Variants in PGCKA1 observed in about 807,000 individuals in gnomAD.
PGCKA1 encodes the protein PDCD10 and GCKIII kinases-associated protein 1.
chr4:37,524,598 T>G, the PGCKA1 span, among the ~76,000 whole-genome samples: 1 of 152,210 alleles, frequency 6.6e-6, no homozygotes, highest in African/African-American at 2.4e-5. Flanking sequence ...ACCACAACCC[T>G]GATTCACTAT....
At chr4:37,562,347 T>C in the PGCKA1 span, among the ~76,000 whole-genome samples, 1 of 152,224 alleles carries the variant, frequency 6.6e-6, no homozygotes, top group Non-Finnish European at 1.5e-5. Flanking sequence ...GATATTTTAA[T>C]CATCTTCATT....
At chr4:37,504,624 C>A in the PGCKA1 span, among the ~76,000 whole-genome samples, 2 of 152,138 alleles carry the variant, frequency 1.3e-5, no homozygotes, top group Middle Eastern at 6.8e-3. Flanking sequence ...TTATAGTTTT[C>A]ATTGTAGAGC....
the PGCKA1 span, among the ~76,000 whole-genome samples, chr4:37,562,301 T>C: frequency 6.6e-6 from 1 of 152,240 alleles, no homozygotes; most frequent in Non-Finnish European, 1.5e-5. Flanking sequence ...AGCATATCGA[T>C]GAACACCAGG....
the PGCKA1 span, among the ~76,000 whole-genome samples, chr4:37,482,742 G>A: frequency 6.6e-6 from 1 of 152,154 alleles, no homozygotes; most frequent in African/African-American, 2.4e-5. Flanking sequence ...GTGTAGGAGG[G>A]AAAATTGTTT....
chr4:37,487,640 A>G, the PGCKA1 span, among the ~76,000 whole-genome samples: 92 of 152,324 alleles, frequency 6.0e-4, no homozygotes, highest in Non-Finnish European at 8.8e-4. Flanking sequence ...GCTGTTTCCA[A>G]TCAATCCTTG....
the PGCKA1 span, among the ~76,000 whole-genome samples, chr4:37,475,314 A>G: frequency 4.6e-5 from 7 of 152,068 alleles, no homozygotes; most frequent in East Asian, 1.9e-4. Flanking sequence ...GAGCACTTCA[A>G]CCCCAGCACA....
At chr4:37,550,198 T>A in the PGCKA1 span, among the ~76,000 whole-genome samples, 1 of 152,162 alleles carries the variant, frequency 6.6e-6, no homozygotes, top group Non-Finnish European at 1.5e-5. Flanking sequence ...GAAGTAAGAC[T>A]AAGGACTGGT....
chr4:37,569,028 C>G, the PGCKA1 span, among the ~76,000 whole-genome samples: 83 of 151,044 alleles, frequency 5.5e-4, 1 homozygote, highest in Non-Finnish European at 9.4e-4. Flanking sequence ...GCCTGGGAGG[C>G]AGAGGTTGCA....
chr4:37,539,095 A>G, the PGCKA1 span, among the ~76,000 whole-genome samples: 1 of 152,162 alleles, frequency 6.6e-6, no homozygotes, highest in Non-Finnish European at 1.5e-5. Context: ...TGGCCAAGCC[A>G]GAGATTCACT....
chr4:37,513,576 T>A, the PGCKA1 span, among the ~76,000 whole-genome samples: 2,352 of 152,266 alleles, frequency 0.015, 57 homozygotes, highest in African/African-American at 0.054. Context: ...ATTATCTCCA[T>A]AAAATGCCCA....
At chr4:37,475,145 G>A in the PGCKA1 span, among the ~76,000 whole-genome samples, 1 of 152,142 alleles carries the variant, frequency 6.6e-6, no homozygotes, top group Non-Finnish European at 1.5e-5. Context: ...CAAGAAGGAT[G>A]CATTTTAATC....
the PGCKA1 span, among the ~76,000 whole-genome samples, chr4:37,494,845 A>T: frequency 6.6e-6 from 1 of 152,010 alleles, no homozygotes; most frequent in African/African-American, 2.4e-5. Context: ...GTATCTCATT[A>T]TGGTTTTGAT....
the PGCKA1 span, chr4:37,590,443 G>A: frequency 1.2e-6 from 2 of 1,611,300 alleles, no homozygotes; most frequent in Admixed American, 1.7e-5. Context: ...TGCAAATACT[G>A]TTCCCCCAAC....
chr4:37,558,622 C>T, the PGCKA1 span, among the ~76,000 whole-genome samples: 24 of 151,374 alleles, frequency 1.6e-4, no homozygotes, highest in African/African-American at 5.8e-4. Context: ...AGAGCTTCTG[C>T]ACAGCAAAAG....
chr4:37,559,808 G>C, the PGCKA1 span, among the ~76,000 whole-genome samples: 5,588 of 152,032 alleles, frequency 0.037, 267 homozygotes, highest in East Asian at 0.14. Flanking sequence ...GTCCGAACTT[G>C]CATTATAATC....
At chr4:37,486,316 G>A in the PGCKA1 span, among the ~76,000 whole-genome samples, 1 of 152,094 alleles carries the variant, frequency 6.6e-6, no homozygotes, top group Non-Finnish European at 1.5e-5. Context: ...AGGCAGCCTG[G>A]TAATTACATT....
At chr4:37,518,600 C>T in the PGCKA1 span, among the ~76,000 whole-genome samples, 2 of 152,074 alleles carry the variant, frequency 1.3e-5, no homozygotes. Context: ...AAATCTTTTG[C>T]CCGTTTTTGA....
chr4:37,534,882 A>G, the PGCKA1 span, among the ~76,000 whole-genome samples: 1 of 152,254 alleles, frequency 6.6e-6, no homozygotes, highest in African/African-American at 2.4e-5. Flanking sequence ...TGTTCAGGCC[A>G]TAGCAACATT....
the PGCKA1 span, among the ~76,000 whole-genome samples, chr4:37,527,664 CAA>C: frequency 1.4e-3 from 187 of 133,630 alleles, no homozygotes; most frequent in African/African-American, 2.7e-3. Flanking sequence ...CTAAAAAATA[CAA>C]AAAAAAAAAA....
Sources: allele counts gnomAD v4.1 joint callset (sites outside exome capture counted in the v4.1 genomes callset), GRCh38; gene constraint gnomAD v4.1.1; transcripts MANE v1.5; gene names NCBI Gene and HGNC (gene_info 2026-07-23, HGNC 2026-07-21).